The following STRAP variants were observed in gnomAD, a reference collection of about 807,000 sequenced individuals.
STRAP encodes the protein serine/threonine kinase receptor associated protein.
STRAP carries 16 observed loss-of-function variants against 47.0 expected under a neutral mutation model. The observed-to-expected ratio is 0.34, with a 90% CI of 0.23 to 0.52. The LOEUF is 0.52. Among genes scored for constraint, STRAP ranks in the 20% least tolerant of loss-of-function variants. The pLI is 0.96. For missense variants in STRAP, 293 were observed against 420.0 expected, an observed-to-expected ratio of 0.70 and a Z score of 2.64; for synonymous variants, 130 against 142.7, an observed-to-expected ratio of 0.91 and a Z score of 0.63.
chr12:15,894,122 C>A lies in STRAP; in HGVS notation c.479C>A (p.Ser160Tyr). 6.2e-7 allele frequency: 1 copy of A among 1,613,214 alleles called. No homozygotes were observed. The highest frequency in any genetic ancestry group is 8.5e-7 in the Non-Finnish European group (1 of 1,179,674). Reference protein sequence around the residue: ...LWCSEDKQILSADDKTVRLWD... With the variant: ...LWCSEDKQILYADDKTVRLWD... ...TGCAGTGAGGATAAACAGATTCTTT[C>A]TGCTGATGACAAAACTGTTCGGTAA... The change falls in exon 5 of 10, where the codon TCT (serine) becomes TAT (tyrosine). Residue 160 changes from serine (S) to tyrosine (Y), a missense_variant. Around this residue, in one of 5 missense-constraint regions of STRAP, gnomAD observed 152 missense variants for 183.0 expected, o/e 0.83. Transcript: ENST00000419869. This position sits in a 1 kb window ranked among gnomAD's most constrained non-coding sequence, Gnocchi z 4.9.
At chr12:15,898,634 T>A (rs1009550019) in intron 7 of STRAP, among the ~76,000 whole-genome samples, 1 of 152,242 alleles carries the variant, frequency 6.6e-6, no homozygotes, top group African/African-American at 2.4e-5. Flanking sequence ...GGGGATTAAT[T>A]TGAAGTTAAT....
intron 5 of STRAP, among the ~76,000 whole-genome samples, 185 bp from the exon 6 acceptor site, chr12:15,895,174 A>G (rs1007591373): frequency 1.3e-5 from 2 of 152,268 alleles, no homozygotes; most frequent in East Asian, 3.8e-4. Flanking sequence ...GCTATCATGC[A>G]TAATTTGACA....
At chr12:15,891,139 T>C (rs1948011713) in intron 4 of STRAP, among the ~76,000 whole-genome samples, 1 of 152,218 alleles carries the variant, frequency 6.6e-6, no homozygotes, top group African/African-American at 2.4e-5. Context: ...TTCAGTCTTT[T>C]TTTCTGCACA....
intron 2 of STRAP, among the ~76,000 whole-genome samples, chr12:15,884,569 A>G (rs1591982416): frequency 6.6e-6 from 1 of 151,794 alleles, no homozygotes; most frequent in Middle Eastern, 3.4e-3. Flanking sequence ...TACATTTAAA[A>G]ATATTTTTTA....
At chr12:15,884,824 C>T (rs966695339) in intron 2 of STRAP, among the ~76,000 whole-genome samples, 1 of 152,134 alleles carries the variant, frequency 6.6e-6, no homozygotes, top group Non-Finnish European at 1.5e-5. Context: ...ACCTAAAGGA[C>T]ACATTTCAAT....
chr12:15,899,474 T>A (rs1189016515), intron 7 of STRAP, among the ~76,000 whole-genome samples: 1 of 152,144 alleles, frequency 6.6e-6, no homozygotes, highest in East Asian at 1.9e-4. Context: ...GCAAAGTGTG[T>A]AAAAGAGCTC....
intron 2 of STRAP, among the ~76,000 whole-genome samples, chr12:15,889,649 A>T (rs1947998998): frequency 6.6e-6 from 1 of 152,174 alleles, no homozygotes. Context: ...TGGTTCATGA[A>T]TCTTACTTGC....
At chr12:15,901,962 A>T (rs11056700) in intron 9 of STRAP, among the ~76,000 whole-genome samples, 13,348 of 151,722 alleles carry the variant, frequency 0.088, 1,930 homozygotes, top group African/African-American at 0.3. Flanking sequence ...ATTGTAGTCT[A>T]GATGAGTGAT....
intron 2 of STRAP, among the ~76,000 whole-genome samples, chr12:15,885,208 A>G (rs1188298108): frequency 7.5e-6 from 1 of 132,586 alleles, no homozygotes; most frequent in East Asian, 2.2e-4. Context: ...TTTTTTTTAA[A>G]GACAGAGTCT....
intron 7 of STRAP, among the ~76,000 whole-genome samples, chr12:15,899,552 T>C (rs1948086433): frequency 6.6e-6 from 1 of 152,250 alleles, no homozygotes; most frequent in Non-Finnish European, 1.5e-5. Flanking sequence ...AGTTTTAGGA[T>C]ATGGAAATTG....
chr12:15,897,376 CTG>C (rs948282806), intron 6 of STRAP, among the ~76,000 whole-genome samples: 6 of 152,112 alleles, frequency 3.9e-5, no homozygotes, highest in African/African-American at 1.4e-4. Context: ...ATAGTAGAAA[CTG>C]TTTTCAGCAG....
chr12:15,892,567 T>C (rs1013448230), intron 4 of STRAP, among the ~76,000 whole-genome samples: 4 of 152,296 alleles, frequency 2.6e-5, no homozygotes, highest in South Asian at 4.1e-4. Flanking sequence ...CAGAACCACA[T>C]TGGAAATTAA....
rs1372484870 is a variant in STRAP, at chr12:15,889,985, T to C, written c.306T>C (p.Ile102=). ...TGATGACCCTGGCTCATAAACACAT[T>C]GTCAAGACTGTGGATTTCACGCAGG... ...DELMTLAHKH[I]VKTVDFTQDS... The change falls in exon 3 of 10, where the codon ATT becomes ATC. Residue 102 remains isoleucine, a synonymous_variant. Coordinates refer to ENST00000419869, the MANE Select transcript of STRAP (RefSeq NM_007178.4). 1.4e-5 allele frequency: 22 copies of C among 1,613,712 alleles called. No individual in the cohort carries two copies. The Admixed American group carries it at 2.2e-4, about 16-fold the overall frequency.
chr12:15,890,784 G>T lies in STRAP; in HGVS notation c.403+115G>T, dbSNP rs980273344. The T allele has an allele frequency of 2.3e-6, 2 of 855,836 alleles. No homozygotes were observed. Among genetic ancestry groups the T allele is most frequent in the Non-Finnish European group, 3.6e-6 (2 of 556,192 alleles). The allele number at this position is 855,836 out of a possible 1,614,324, so 53.0% of individuals were successfully genotyped here. A position where few individuals can be genotyped will look rare whatever the true frequency, so the allele number is the denominator to read the frequency against. On this transcript the variant is annotated intron_variant, in intron 4 of 9. Coordinates refer to ENST00000419869, the MANE Select transcript of STRAP (RefSeq NM_007178.4). This position sits in a 1 kb window ranked among gnomAD's most constrained non-coding sequence, Gnocchi z 4.5. Reference sequence around the variant, plus strand: ...GGAAAATAAAGATAGTCATGGCCGGGCACGGTGGCTCATACCTGTAATCCT... The same window carrying T: ...GGAAAATAAAGATAGTCATGGCCGGTCACGGTGGCTCATACCTGTAATCCT...
chr12:15,884,078 T>C (rs1006716359), intron 2 of STRAP, among the ~76,000 whole-genome samples: 1 of 152,168 alleles, frequency 6.6e-6, no homozygotes, highest in Admixed American at 6.5e-5. Flanking sequence ...TAAAACTCAT[T>C]GTGTCAAAAA....
intron 7 of STRAP, 192 bp downstream of exon 7, chr12:15,898,210 T>G: frequency 2.9e-6 from 1 of 345,234 alleles, no homozygotes. Flanking sequence ...CTTTTATAGA[T>G]CTGTAAACAA....
Position 15,883,553 on chromosome 12 carries a change from T to C in STRAP, c.125T>C (p.Met42Thr). 1 of 1,613,632 alleles carries C rather than the reference T, an allele frequency of 6.2e-7. No individual in the cohort carries two copies. The highest frequency in any genetic ancestry group is 8.5e-7 in the Non-Finnish European group (1 of 1,180,008). The change falls in exon 2 of 10, where the codon ATG (methionine) becomes ACG (threonine). Residue 42 changes from methionine (M) to threonine (T), a missense_variant. Physicochemically the swap from Met to Thr is moderately conservative, Grantham distance 81 (BLOSUM62 -1). Coordinates refer to ENST00000419869, the MANE Select transcript of STRAP (RefSeq NM_007178.4). ...AAATATTTTCTAGATGGTAAACCTA[T>C]GCTACGCCAGGGAGATACAGGAGAC... is the stretch of plus-strand genomic sequence containing the variant. ...LISACKDGKP[M>T]LRQGDTGDWI...
At chr12:15,898,647 A>G (rs1051119970) in intron 7 of STRAP, among the ~76,000 whole-genome samples, 30 of 152,324 alleles carry the variant, frequency 2.0e-4, no homozygotes, top group Non-Finnish European at 1.2e-4. Flanking sequence ...AAGTTAATGT[A>G]TATTTATCTG....
At chr12:15,898,556 G>A (rs10846246) in intron 7 of STRAP, among the ~76,000 whole-genome samples, 103,320 of 151,972 alleles carry the variant, frequency 0.68, 39,380 homozygotes, top group South Asian at 0.87. Flanking sequence ...TATTTATTCT[G>A]TTTTGGAGTT....
Sources: gnomAD v4.1 joint callset for allele counts (sites outside exome capture counted in the v4.1 genomes callset) on GRCh38, gnomAD v4.1.1 for gene constraint, gnomAD v4.1.1 regional missense constraint, Gnocchi (gnomAD v3.1) non-coding constraint, MANE v1.5 for transcripts, NCBI Gene and HGNC (gene_info 2026-07-23, HGNC 2026-07-21) for gene names.